KIAA1217: variants seen among roughly 807,000 people sequenced by gnomAD.
The protein encoded by KIAA1217 is sickle tail protein homolog.
In KIAA1217, 88 loss-of-function variants were observed where a neutral mutation model predicts 163.9. The ratio of observed to expected loss-of-function variants is 0.54; its 90% confidence interval spans 0.45 to 0.64. The LOEUF (loss-of-function observed/expected upper bound fraction) is 0.64. Among genes scored for constraint, KIAA1217 ranks in the 30% least tolerant of loss-of-function variants. The pLI is 0.00. For synonymous variants in KIAA1217, 903 were observed against 923.1 expected, an observed-to-expected ratio of 0.98 and a Z score of 0.39; for missense variants, 2,372 against 2,475.0, an observed-to-expected ratio of 0.96 and a Z score of 0.88.
chr10:23,922,024 G>C (rs549308742), intron 1 of KIAA1217, among the ~76,000 whole-genome samples: 9 of 152,178 alleles, frequency 5.9e-5, no homozygotes, highest in Admixed American at 3.9e-4. Context: ...CATGTGATGA[G>C]AGTGTCAGAA....
rs183978115 is a variant in KIAA1217 at position 23,846,222 on chromosome 10, T to C, written c.-321+150988T>C. On this transcript the variant is annotated intron_variant, in intron 1 of 18. Transcript: ENST00000376462. ...ATTGTCTTGGCTGTGTGGGCTCTTT[T>C]TGGGTTGCATATGAAGTTTAAGGTA... Among the ~76,000 whole-genome samples, 320 of 152,296 alleles carry C rather than the reference T, an allele frequency of 2.1e-3. 2 individuals are homozygous for C. Among genetic ancestry groups the C allele is most frequent in the African/African-American group, 7.5e-3 (312 of 41,576 alleles).
At chr10:24,118,843 G>A (rs2063165790) in intron 2 of KIAA1217, among the ~76,000 whole-genome samples, 1 of 152,146 alleles carries the variant, frequency 6.6e-6, no homozygotes, top group South Asian at 2.1e-4. Flanking sequence ...GACCCAGGGA[G>A]TAGAACTAGA....
At chr10:23,901,505 CTT>C (rs1321389431) in intron 1 of KIAA1217, among the ~76,000 whole-genome samples, 1 of 152,048 alleles carries the variant, frequency 6.6e-6, no homozygotes, top group East Asian at 1.9e-4. Context: ...GCAAAACTAA[CTT>C]ATGTTGGAAA....
At position 23,765,187 on chromosome 10, in the gene KIAA1217, C is replaced by CTTTTTTTTTTTTTTT. The variant is rs67342339; in HGVS notation, c.-321+69964_-321+69978dup. 1.1e-3 allele frequency among the ~76,000 whole-genome samples: 80 copies of CTTTTTTTTTTTTTTT among 75,358 alleles called. 3 individuals are homozygous for CTTTTTTTTTTTTTTT. Among genetic ancestry groups the CTTTTTTTTTTTTTTT allele is most frequent in the African/African-American group, 3.1e-3 (54 of 17,152 alleles). The allele number at this position is 75,358 out of a possible 152,430, so 49.4% of individuals were successfully genotyped here. On this transcript the variant is annotated intron_variant, in intron 1 of 18. Coordinates refer to the KIAA1217 transcript ENST00000376462. ...TCTTTTGTTTTCCCTTTTTTGTTCT[C>CTTTTTTTTTTTTTTT]TTTTTTTTTTTTTTTTTTTTTTTTT... is the stretch of plus-strand genomic sequence containing the variant.
At chr10:24,160,646 G>A (rs749329789) in intron 2 of KIAA1217, among the ~76,000 whole-genome samples, 2 of 151,892 alleles carry the variant, frequency 1.3e-5, no homozygotes, top group African/African-American at 2.4e-5. Flanking sequence ...TTTTCCTCTC[G>A]GCCTTTCAAA....
chr10:24,466,768 A>G, intron 5 of KIAA1217: 1 of 985,438 alleles, frequency 1.0e-6, no homozygotes, highest in Non-Finnish European at 1.2e-6. Context: ...CGTTAGTTAC[A>G]CAGGTGATTT....
At chr10:24,454,757 C>G (rs2061639763) in intron 5 of KIAA1217, among the ~76,000 whole-genome samples, 1 of 151,912 alleles carries the variant, frequency 6.6e-6, no homozygotes, top group African/African-American at 2.4e-5. Context: ...ACTGAGGGAT[C>G]ATGACGGATA....
intron 1 of KIAA1217, among the ~76,000 whole-genome samples, chr10:23,813,274 T>A (rs1480980359): frequency 6.6e-6 from 1 of 152,132 alleles, no homozygotes; most frequent in Non-Finnish European, 1.5e-5. Context: ...ACTAGGTTAT[T>A]TGTCTTTATA....
intron 2 of KIAA1217, among the ~76,000 whole-genome samples, chr10:24,232,819 A>G (rs2071601846): frequency 6.6e-6 from 1 of 151,568 alleles, no homozygotes; most frequent in Non-Finnish European, 1.5e-5. Context: ...TTGGCATTGA[A>G]CATTATATAA....
At chr10:23,842,839 A>G (rs183486354) in intron 1 of KIAA1217, among the ~76,000 whole-genome samples, 466 of 152,250 alleles carry the variant, frequency 3.1e-3, no homozygotes, top group Non-Finnish European at 4.6e-3. Flanking sequence ...CTTCAGATCT[A>G]CTGCAGGGAA....
At position 24,392,997 on chromosome 10, in the gene KIAA1217, A is replaced by T. The variant is rs76483386; in HGVS notation, c.553+11930A>T. Among the ~76,000 whole-genome samples, 307 of 152,248 alleles carry T rather than the reference A, an allele frequency of 2.0e-3. 5 individuals are homozygous for T. The highest frequency in any genetic ancestry group is 0.015 in the Admixed American group (232 of 15,286). On this transcript the variant is annotated intron_variant, in intron 3 of 20. Transcript: ENST00000376454. ...ATTTTTTTTGAAAGCTAATTTTCAG[A>T]TATGATCCTTTAGGTTTATTTAACT...
At chr10:24,420,721 A>G (rs935484824) in intron 3 of KIAA1217, among the ~76,000 whole-genome samples, 6 of 152,054 alleles carry the variant, frequency 3.9e-5, no homozygotes, top group South Asian at 2.1e-4. Context: ...AAAGGGATGT[A>G]TTTTTTACTT....
intron 1 of KIAA1217, among the ~76,000 whole-genome samples, chr10:23,773,673 C>T (rs1426197063): frequency 6.6e-6 from 1 of 152,064 alleles, no homozygotes; most frequent in Non-Finnish European, 1.5e-5. Flanking sequence ...TGAAGAGGTC[C>T]TTCACATCCC....
intron 1 of KIAA1217, among the ~76,000 whole-genome samples, chr10:24,217,031 CAAAAAA>C (rs60303909): frequency 0.017 from 359 of 21,270 alleles, 3 homozygotes; most frequent in African/African-American, 0.074. Flanking sequence ...GACCTTGTCT[CAAAAAA>C]AAAAAAAAAA....
intron 6 of KIAA1217, among the ~76,000 whole-genome samples, chr10:24,480,933 C>T (rs144422167): frequency 6.6e-6 from 1 of 152,172 alleles, no homozygotes; most frequent in East Asian, 1.9e-4. Flanking sequence ...GGTCCAGGGG[C>T]AAAAAGACAA....
Position 24,225,220 on chromosome 10 carries a change from G to A in KIAA1217, c.354+5311G>A, listed in dbSNP as rs1488349464. On this transcript the variant is annotated intron_variant, in intron 2 of 20. Transcript: ENST00000376454. ...AGCTCACTGCAGCCTTGAACTCCTG[G>A]GCTCAAGTGATCCTCTCACCTTAGC... 2.6e-5 allele frequency among the ~76,000 whole-genome samples: 4 copies of A among 151,982 alleles called. No homozygotes were observed. The East Asian group carries it at 7.7e-4, about 29-fold the overall frequency.
rs60528535 is a variant in KIAA1217, at chr10:24,323,788, C to CGTGTGTGTGTGTGTGT, written c.355-57052_355-57037dup. 9.7e-5 allele frequency among the ~76,000 whole-genome samples: 14 copies of CGTGTGTGTGTGTGTGT among 144,300 alleles called. 1 individual carries two copies. The highest frequency in any genetic ancestry group is 3.4e-4 in the African/African-American group (13 of 38,580). The allele number at this position is 144,300 out of a possible 152,430, so 94.7% of individuals were successfully genotyped here. A position where few individuals can be genotyped will look rare whatever the true frequency, so the allele number is the denominator to read the frequency against. On this transcript the variant is annotated intron_variant, in intron 2 of 20. Transcript: ENST00000376454. The stretch of plus-strand genomic sequence containing the variant: ...GAAGACAATGCCCATGTTTTCTCTT[C>CGTGTGTGTGTGTGTGT]GTGTGTGTGTGTGTGTGTGTGTGTG...
At chr10:23,861,290 C>A (rs1839939659) in intron 1 of KIAA1217, among the ~76,000 whole-genome samples, 1 of 152,110 alleles carries the variant, frequency 6.6e-6, no homozygotes, top group African/African-American at 2.4e-5. Flanking sequence ...TCAAGAAAGG[C>A]AGGCTTGGTA....
chr10:23,828,447 C>A (rs1838008396), intron 1 of KIAA1217, among the ~76,000 whole-genome samples: 1 of 152,098 alleles, frequency 6.6e-6, no homozygotes, highest in Non-Finnish European at 1.5e-5. Context: ...GCTGGTGATC[C>A]TATTACATTG....
Sources: allele counts gnomAD v4.1 joint callset (sites outside exome capture counted in the v4.1 genomes callset), GRCh38; gene constraint gnomAD v4.1.1; transcripts MANE v1.5; gene names NCBI Gene and HGNC (gene_info 2026-07-23, HGNC 2026-07-21).